The following IKZF2 variants were observed in gnomAD, a reference collection of about 807,000 sequenced individuals.
IKZF2 encodes the protein IKAROS family zinc finger 2, also known as zinc finger protein Helios.
Under a neutral mutation model 49.2 loss-of-function variants are expected in IKZF2, and 15 were observed. That is an observed-to-expected ratio of 0.30 (90% CI 0.20 to 0.47). The LOEUF (loss-of-function observed/expected upper bound fraction) is 0.47, where lower values mean the gene tolerates loss of function less well. Among genes scored for constraint, IKZF2 ranks in the 20% least tolerant of loss-of-function variants. The pLI, the probability that IKZF2 is intolerant of heterozygous loss-of-function variation, is 1.00. For synonymous variants in IKZF2, 227 were observed against 221.4 expected, an observed-to-expected ratio of 1.03 and a Z score of -0.23; for missense variants, 567 against 664.6, an observed-to-expected ratio of 0.85 and a Z score of 1.61.
intron 1 of IKZF2, 131 bp downstream of exon 1, chr2:213,151,282 C>T (rs997580835): frequency 6.6e-6 from 1 of 152,042 alleles, no homozygotes; most frequent in Non-Finnish European, 1.5e-5. Flanking sequence ...AAACGAGATG[C>T]TATATAATTA....
At chr2:213,107,492 T>C (rs2125745407) in intron 4 of IKZF2, among the ~76,000 whole-genome samples, 1 of 152,320 alleles carries the variant, frequency 6.6e-6, no homozygotes, top group East Asian at 1.9e-4. Flanking sequence ...CTAAATGTTT[T>C]TCTCACTGTG....
intron 4 of IKZF2, among the ~76,000 whole-genome samples, chr2:213,079,528 A>AAGGG (rs1478038676): frequency 6.8e-6 from 1 of 148,004 alleles, no homozygotes; most frequent in African/African-American, 2.5e-5. Context: ...GGAAGGCAGG[A>AAGGG]AGGGAGGGAG....
rs566784598 is a variant in IKZF2, at chr2:213,140,004, G to C, written c.139+7704C>G. On this transcript the variant is annotated intron_variant, in intron 4 of 8. Coordinates refer to ENST00000434687, the MANE Select transcript of IKZF2 (RefSeq NM_001387220.1). ...CCCTTGAAGATACCATCCTTCTCTA[G>C]AAAACACCCCAAACCTATTTTTTGA... 5.3e-5 allele frequency among the ~76,000 whole-genome samples: 8 copies of C among 151,936 alleles called. No individual in the cohort carries two copies. In the East Asian group the frequency reaches 1.5e-3, roughly 29 times the overall value.
intron 7 of IKZF2, among the ~76,000 whole-genome samples, chr2:213,020,477 T>G (rs1425810770): frequency 2.6e-5 from 4 of 152,048 alleles, no homozygotes; most frequent in Admixed American, 6.6e-5. Flanking sequence ...ACGCACCATT[T>G]TGTAATCTCT....
At chr2:213,015,231 G>A (rs189800393) in intron 7 of IKZF2, 10 of 152,114 alleles carry the variant, frequency 6.6e-5, no homozygotes, top group African/African-American at 2.4e-4. Flanking sequence ...TTCCATCCAA[G>A]TTTTGATTAA....
chr2:213,076,963 CAACT>C (rs1191698780), intron 4 of IKZF2, among the ~76,000 whole-genome samples: 1 of 152,080 alleles, frequency 6.6e-6, no homozygotes, highest in Non-Finnish European at 1.5e-5. Context: ...TGAAGACATA[CAACT>C]AATATATAAA....
intron 7 of IKZF2, among the ~76,000 whole-genome samples, chr2:213,020,235 TTGGTCAGCAAA>T (rs1164581823): frequency 6.6e-6 from 1 of 152,142 alleles, no homozygotes; most frequent in African/African-American, 2.4e-5. Context: ...AACAGTGTAT[TTGGTCAGCAAA>T]TGAAACTTCT....
At chr2:213,040,074 A>G (rs1416204555) in intron 6 of IKZF2, among the ~76,000 whole-genome samples, 1 of 152,138 alleles carries the variant, frequency 6.6e-6, no homozygotes, top group Non-Finnish European at 1.5e-5. Context: ...TGAGCAATAC[A>G]TAATTTTCAT....
intron 4 of IKZF2, among the ~76,000 whole-genome samples, chr2:213,136,555 T>C (rs1259592855): frequency 6.6e-6 from 1 of 152,066 alleles, no homozygotes; most frequent in Non-Finnish European, 1.5e-5. Context: ...TGATCATTTT[T>C]ATGAGTCTAT....
At chr2:213,036,555 A>G (rs1393857014) in intron 6 of IKZF2, among the ~76,000 whole-genome samples, 1 of 152,186 alleles carries the variant, frequency 6.6e-6, no homozygotes. Flanking sequence ...TCATTCAATC[A>G]ATATGGTATA....
At chr2:213,083,654 G>A (rs1704240087) in intron 4 of IKZF2, among the ~76,000 whole-genome samples, 1 of 147,640 alleles carries the variant, frequency 6.8e-6, no homozygotes, top group South Asian at 2.1e-4. Context: ...CGCCCACCTC[G>A]GCCTCCCAAA....
intron 4 of IKZF2, among the ~76,000 whole-genome samples, chr2:213,125,653 A>C (rs2060234598): frequency 6.6e-6 from 1 of 152,224 alleles, no homozygotes. Flanking sequence ...TATCCTAAGG[A>C]TGTAAAGAAG....
chr2:213,118,437 T>A (rs1004614020), intron 4 of IKZF2, among the ~76,000 whole-genome samples: 1 of 152,206 alleles, frequency 6.6e-6, no homozygotes, highest in Non-Finnish European at 1.5e-5. Flanking sequence ...TTATGTGGTA[T>A]TTAAAGACAT....
At chr2:213,112,943 G>T (rs1574889164) in intron 4 of IKZF2, among the ~76,000 whole-genome samples, 1 of 151,942 alleles carries the variant, frequency 6.6e-6, no homozygotes, top group Admixed American at 6.6e-5. Flanking sequence ...TATTTGATTT[G>T]TTTGACAAAA....
chr2:213,003,609 T>C lies in IKZF2; in HGVS notation c.*3751A>G, dbSNP rs1231528287. 6.6e-6 allele frequency: 1 copy of C among 151,706 alleles called. No homozygotes were observed. The highest frequency in any genetic ancestry group is 6.6e-5 in the Admixed American group (1 of 15,198). The allele number at this position is 151,706 out of a possible 1,614,324, so 9.4% of individuals were successfully genotyped here. A position where few individuals can be genotyped will look rare whatever the true frequency, so the allele number is the denominator to read the frequency against. On this transcript the variant is annotated 3_prime_UTR_variant, in exon 9 of 9. Transcript: ENST00000434687. ...AGCCCCGTCTGCTCTTTTTGTACCC[T>C]AAGAAATCATTTTGGAGATAGGATG...
At chr2:213,019,101 A>G (rs969796283) in intron 7 of IKZF2, among the ~76,000 whole-genome samples, 8 of 152,172 alleles carry the variant, frequency 5.3e-5, no homozygotes, top group African/African-American at 1.9e-4. Context: ...TAAGCTCTTG[A>G]TAAATGTTTT....
intron 5 of IKZF2, among the ~76,000 whole-genome samples, chr2:213,055,002 T>C (rs960086662): frequency 6.6e-6 from 1 of 152,140 alleles, no homozygotes; most frequent in Non-Finnish European, 1.5e-5. Flanking sequence ...CTAAATTTTC[T>C]AAAAACTGTA....
chr2:213,130,157 C>T (rs553643976), intron 4 of IKZF2, among the ~76,000 whole-genome samples: 2 of 152,264 alleles, frequency 1.3e-5, no homozygotes, highest in Admixed American at 6.5e-5. Context: ...TCAAAAGCTT[C>T]TAGTTTTCTG....
intron 4 of IKZF2, among the ~76,000 whole-genome samples, chr2:213,123,941 G>A (rs1267423284): frequency 3.4e-5 from 5 of 148,682 alleles, no homozygotes; most frequent in Non-Finnish European, 6.0e-5. Flanking sequence ...GAGTCTTAGT[G>A]AAAAAAAAAA....
Sources: allele counts gnomAD v4.1 joint callset (sites outside exome capture counted in the v4.1 genomes callset), GRCh38; gene constraint gnomAD v4.1.1; transcripts MANE v1.5; gene names NCBI Gene and HGNC (gene_info 2026-07-23, HGNC 2026-07-21).